Variants in PCSK9 observed in about 807,000 individuals in gnomAD.
The protein encoded by PCSK9 is proprotein convertase subtilisin/kexin type 9, also known as convertase subtilisin/kexin type 9 preproprotein.
PCSK9 carries 57 observed loss-of-function variants against 62.1 expected under a neutral mutation model. The ratio of observed to expected loss-of-function variants is 0.92; its 90% CI spans 0.74 to 1.14. The LOEUF is 1.14. Ranked by LOEUF, PCSK9 falls within the 50% of genes most tolerant of loss-of-function variation. PCSK9 has a pLI of 0.00. For synonymous variants in PCSK9, 387 were observed against 409.4 expected, an observed-to-expected ratio of 0.95 and a Z score of 0.66; for missense variants, 870 against 959.8, an observed-to-expected ratio of 0.91 and a Z score of 1.24.
In PCSK9 at chr1:55,040,250, G is replaced by A. The variant is rs1041095632; in HGVS notation, c.207+206G>A. The stretch of plus-strand genomic sequence containing the variant: ...GGGGAGCACGGTGGAGAGCGGGGAC[G>A]GCCGGCTCTTTGGGGACTTGCTGGG... On this transcript the variant is annotated intron_variant, in intron 1 of 11. Transcript: ENST00000302118. This position sits in a 1 kb window ranked among gnomAD's most constrained non-coding sequence, Gnocchi z 4.1. 9.9e-5 allele frequency among the ~76,000 whole-genome samples: 15 copies of A among 152,168 alleles called. No homozygotes were observed. The highest frequency in any genetic ancestry group is 9.8e-4 in the Admixed American group (15 of 15,258).
At chr1:55,057,801 A>G (rs899211521) in intron 7 of PCSK9, among the ~76,000 whole-genome samples, 6 of 152,206 alleles carry the variant, frequency 3.9e-5, no homozygotes, top group African/African-American at 1.4e-4. Context: ...TGATGGATGA[A>G]TAGGAGTTCA....
intron 11 of PCSK9, among the ~76,000 whole-genome samples, chr1:55,062,190 G>A (rs983138124): frequency 7.9e-5 from 12 of 152,248 alleles, no homozygotes; most frequent in Admixed American, 3.3e-4. Context: ...TGTGACAGCC[G>A]GGCCTTCTAG....
chr1:55,056,973 A>T (rs1644720202), intron 6 of PCSK9, among the ~76,000 whole-genome samples: 1 of 152,184 alleles, frequency 6.6e-6, no homozygotes, highest in Admixed American at 6.5e-5. Flanking sequence ...GGCCGAATTT[A>T]AAGGCATCAA....
chr1:55,059,789 CT>C (rs1644745944), intron 10 of PCSK9, 126 bp downstream of exon 10: 1 of 1,226,496 alleles, frequency 8.2e-7, no homozygotes, highest in African/African-American at 1.5e-5. Context: ...GTTCCATACT[CT>C]GGTTCTGCCA....
intron 3 of PCSK9, among the ~76,000 whole-genome samples, chr1:55,049,902 C>G (rs1034204968): frequency 6.6e-6 from 1 of 152,248 alleles, no homozygotes; most frequent in Non-Finnish European, 1.5e-5. Context: ...CCAGGTACAG[C>G]TCCTGGAGCA....
At chr1:55,055,874 C>T in intron 5 of PCSK9, 119 bp from the exon 6 acceptor site, 2 of 1,031,442 alleles carry the variant, frequency 1.9e-6, no homozygotes, top group South Asian at 3.9e-5. Flanking sequence ...GGCTTTTGAC[C>T]AAACATCAGG....
intron 1 of PCSK9, among the ~76,000 whole-genome samples, chr1:55,041,947 C>T (rs1644600559): frequency 6.6e-6 from 1 of 151,730 alleles, no homozygotes; most frequent in Non-Finnish European, 1.5e-5. Context: ...GTCCACAGTT[C>T]TTTTTCTTTT....
intron 10 of PCSK9, among the ~76,000 whole-genome samples, chr1:55,060,797 A>T (rs1024193221): frequency 6.6e-6 from 1 of 152,112 alleles, no homozygotes. Flanking sequence ...CAACCCTACC[A>T]TGTTCAGAGC....
At chr1:55,044,079 C>T in intron 2 of PCSK9, 45 bp downstream of exon 2, 1 of 1,600,904 alleles carries the variant, frequency 6.2e-7, no homozygotes. Flanking sequence ...TAGGGCTGGG[C>T]CACTGCATAT....
chr1:55,058,102 T>C lies in PCSK9; in HGVS notation c.1247T>C (p.Ile416Thr), dbSNP rs1343534206. 1.3e-5 allele frequency: 21 copies of C among 1,613,538 alleles called. No homozygotes were observed. Among genetic ancestry groups the C allele is most frequent in the Non-Finnish European group, 1.6e-5 (19 of 1,180,000 alleles). ...CTGGCCGAGTTGAGGCAGAGACTGA[T>C]CCACTTCTCTGCCAAAGATGTCATC... ...LTLAELRQRL[I>T]HFSAKDVINE... is the part of the protein sequence containing the mutation. Residue 416 changes from isoleucine (I) to threonine (T), a missense_variant, in exon 8 of 12, where the codon ATC (isoleucine) becomes ACC (threonine). Transcript: ENST00000302118.
At chr1:55,056,899 A>G (rs1012062064) in intron 6 of PCSK9, among the ~76,000 whole-genome samples, 1 of 151,576 alleles carries the variant, frequency 6.6e-6, no homozygotes, top group Non-Finnish European at 1.5e-5. Context: ...TGGGGGTTGC[A>G]GAGCAGATGC....
At chr1:55,051,794 A>G (rs1378399935) in intron 3 of PCSK9, 1 of 264,828 alleles carries the variant, frequency 3.8e-6, no homozygotes, top group Non-Finnish European at 7.3e-6. Context: ...CCAGACATAC[A>G]TCCTGTCCGA....
At position 55,058,251 on chromosome 1, in the gene PCSK9, G is replaced by A. The variant is rs763507062; in HGVS notation, c.1354+42G>A. 2.0e-5 allele frequency: 32 copies of A among 1,598,732 alleles called. No homozygotes were observed. The South Asian group carries it at 3.0e-4, about 15-fold the overall frequency. Reference sequence around the variant, plus strand: ...GGTGGGCAAGTCCAGGCTGGGGCTTGGGAGGTCTGTGTGACCTTGACAGTC... The same window carrying A: ...GGTGGGCAAGTCCAGGCTGGGGCTTAGGAGGTCTGTGTGACCTTGACAGTC... On this transcript the variant is annotated intron_variant, in intron 8 of 11. Coordinates refer to ENST00000302118, the MANE Select transcript of PCSK9 (RefSeq NM_174936.4).
chr1:55,046,879 T>G (rs1644639064), intron 3 of PCSK9, among the ~76,000 whole-genome samples: 2 of 152,122 alleles, frequency 1.3e-5, no homozygotes, highest in African/African-American at 4.8e-5. Flanking sequence ...TTTTCCTTCT[T>G]TTCTCTTGTT....
chr1:55,046,694 A>G (rs1056830370), intron 3 of PCSK9, 48 bp downstream of exon 3: 2 of 1,603,138 alleles, frequency 1.2e-6, no homozygotes, highest in African/African-American at 2.7e-5. Context: ...AGCTGAATCC[A>G]TTTGCTCTGC....
chr1:55,041,034 A>C (rs916355047), intron 1 of PCSK9, among the ~76,000 whole-genome samples: 12 of 152,196 alleles, frequency 7.9e-5, no homozygotes, highest in Non-Finnish European at 8.8e-5. Flanking sequence ...CAAGTCACTT[A>C]TCCTTGAGCC....
chr1:55,052,925 C>CATGCTGTGG, intron 5 of PCSK9, 134 bp downstream of exon 5: 1 of 1,457,650 alleles, frequency 6.9e-7, no homozygotes, highest in Non-Finnish European at 9.4e-7. Context: ...AGCCAGAGAA[C>CATGCTGTGG]CAGAGTGCCA....
rs140352206 is a variant in PCSK9 at position 55,049,812 on chromosome 1, G to A, written c.524-2466G>A. ...TTAGAAGGTGTGGGGCTGCCTCCCC[G>A]AGCTTCCATCTGCCGCTGGGGCCAC... On this transcript the variant is annotated intron_variant, in intron 3 of 11. Transcript: ENST00000302118. Among the ~76,000 whole-genome samples, 1,023 of 152,310 alleles carry A rather than the reference G, an allele frequency of 6.7e-3. 9 individuals carry two copies. The highest frequency in any genetic ancestry group is 0.024 in the Middle Eastern group (7 of 294).
In PCSK9 at chr1:55,046,668, T is replaced by C. The variant is rs1195565769; in HGVS notation, c.523+22T>C. On this transcript the variant is annotated intron_variant, in intron 3 of 11. Coordinates refer to ENST00000302118, the MANE Select transcript of PCSK9 (RefSeq NM_174936.4). ...CCCGGTAAGACCCCCATCTGTGCCCTGCCCCACCCCATCTGAGCTGAATCC... is the reference window on the plus strand; with the variant it reads ...CCCGGTAAGACCCCCATCTGTGCCCCGCCCCACCCCATCTGAGCTGAATCC... 4 of 1,612,616 alleles carry C rather than the reference T, an allele frequency of 2.5e-6. No individual in the cohort carries two copies. In the South Asian group the frequency reaches 3.3e-5, roughly 13 times the overall value.
Sources: allele counts gnomAD v4.1 joint callset (sites outside exome capture counted in the v4.1 genomes callset), GRCh38; gene constraint gnomAD v4.1.1; non-coding constraint Gnocchi (gnomAD v3.1); transcripts MANE v1.5; gene names NCBI Gene and HGNC (gene_info 2026-07-23, HGNC 2026-07-21).